The following TRDN variants were observed in gnomAD, a reference collection of about 807,000 sequenced individuals.
TRDN encodes triadin, also known as triadin in skeletal muscle.
TRDN carries 161 observed loss-of-function variants against 149.7 expected under a neutral mutation model. The observed-to-expected ratio is 1.08, with a 90% CI of 0.95 to 1.23. TRDN has a LOEUF of 1.23. Among genes scored for constraint, TRDN ranks in the 50% most tolerant of loss-of-function variants. The pLI is 0.00. For synonymous variants in TRDN, 294 were observed against 250.5 expected (o/e 1.17, Z -1.64); for missense variants, 896 against 823.5 (o/e 1.09, Z -1.08).
chr6:123,236,121 C>T (rs1417302759), intron 38 of TRDN, among the ~76,000 whole-genome samples: 2 of 152,180 alleles, frequency 1.3e-5, no homozygotes, highest in Admixed American at 1.3e-4. Context: ...GCCTTCCCGA[C>T]AGCAATGTAT....
chr6:123,487,702 A>C (rs1778033691), intron 9 of TRDN, among the ~76,000 whole-genome samples: 1 of 152,088 alleles, frequency 6.6e-6, no homozygotes, highest in Non-Finnish European at 1.5e-5. Context: ...ATTTTAGTTT[A>C]TCCTCTTTTC....
chr6:123,268,004 G>A (rs571066089), intron 31 of TRDN, among the ~76,000 whole-genome samples: 1 of 152,132 alleles, frequency 6.6e-6, no homozygotes, highest in Non-Finnish European at 1.5e-5. Context: ...ATCCCTTTGG[G>A]GGCTGTGTTG....
chr6:123,350,180 A>G, intron 21 of TRDN: 1 of 970,808 alleles, frequency 1.0e-6, no homozygotes, highest in Non-Finnish European at 1.2e-6. Flanking sequence ...ACCTAAAAAT[A>G]TTTTTGTCGT....
chr6:123,356,435 C>G (rs571381877), intron 20 of TRDN, among the ~76,000 whole-genome samples: 1 of 148,494 alleles, frequency 6.7e-6, no homozygotes, highest in African/African-American at 2.5e-5. Context: ...TTTTATCTTT[C>G]ATACGTACTA....
At chr6:123,626,440 C>T (rs1322663610) in intron 1 of TRDN, among the ~76,000 whole-genome samples, 1 of 152,086 alleles carries the variant, frequency 6.6e-6, no homozygotes, top group African/African-American at 2.4e-5. Context: ...AAGACTGTGC[C>T]AGTGCATGCC....
chr6:123,585,144 T>TTG (rs905806777), intron 1 of TRDN, among the ~76,000 whole-genome samples: 17 of 126,812 alleles, frequency 1.3e-4, no homozygotes, highest in Middle Eastern at 4.2e-3. Flanking sequence ...TGGGTTAAGG[T>TTG]GGGGGAATAC....
At chr6:123,614,863 C>A (rs1785003956) in intron 1 of TRDN, among the ~76,000 whole-genome samples, 2 of 151,976 alleles carry the variant, frequency 1.3e-5, no homozygotes, top group East Asian at 3.9e-4. Context: ...AAAGAAATAA[C>A]CAACAGAAAA....
intron 9 of TRDN, among the ~76,000 whole-genome samples, chr6:123,467,318 TAAA>T (rs66481683): frequency 5.2e-5 from 7 of 134,978 alleles, no homozygotes; most frequent in Non-Finnish European, 1.6e-5. Context: ...TGTGGTAAAT[TAAA>T]AAAAAAAAAA....
intron 12 of TRDN, among the ~76,000 whole-genome samples, chr6:123,407,111 G>T (rs1479908451): frequency 1.3e-5 from 2 of 152,074 alleles, no homozygotes; most frequent in African/African-American, 4.8e-5. Flanking sequence ...CTTGAAAAAA[G>T]ACACCATTGT....
Position 123,218,595 on chromosome 6 carries a change from G to T in TRDN, c.*6C>A. ...TAAAGCACTTGTAAGGGTCATACAT[G>T]TGTGTTTACTGTCCTTGTTGCTTCT... On this transcript the variant is annotated 3_prime_UTR_variant, in exon 41 of 41. Coordinates refer to ENST00000334268, the MANE Select transcript of TRDN (RefSeq NM_006073.4). 6.2e-7 allele frequency: 1 copy of T among 1,610,600 alleles called. No individual in the cohort carries two copies. The highest frequency in any genetic ancestry group is 1.7e-5 in the Admixed American group (1 of 59,654).
rs764596792 is a variant in TRDN, at chr6:123,222,292, C to T, written c.2015-770G>A. On this transcript the variant is annotated intron_variant, in intron 39 of 40. Transcript: ENST00000334268. The stretch of plus-strand genomic sequence containing the variant: ...ATCAATTTTTCAATTGGTTCTAGAG[C>T]GGTTCCCCTCAGAGTGTAATCTATA... 4.0e-5 allele frequency among the ~76,000 whole-genome samples: 6 copies of T among 151,330 alleles called. No homozygotes were observed. The South Asian group carries it at 6.2e-4, about 16-fold the overall frequency.
At chr6:123,411,622 G>A (rs977944956) in intron 12 of TRDN, 1 of 152,300 alleles carries the variant, frequency 6.6e-6, no homozygotes, top group African/African-American at 2.4e-5. Context: ...GTAGCCTGAG[G>A]ATATTAAATA....
intron 1 of TRDN, among the ~76,000 whole-genome samples, chr6:123,595,549 T>A (rs1783996643): frequency 6.6e-6 from 1 of 152,154 alleles, no homozygotes; most frequent in Non-Finnish European, 1.5e-5. Context: ...ACATTGCAGA[T>A]CCTGCACTTT....
intron 9 of TRDN, among the ~76,000 whole-genome samples, chr6:123,496,884 G>T (rs1318269217): frequency 6.6e-6 from 1 of 151,932 alleles, no homozygotes; most frequent in Non-Finnish European, 1.5e-5. Flanking sequence ...AGTTTACCAA[G>T]AATAAAATAA....
chr6:123,539,344 T>C (rs181295447), intron 4 of TRDN, among the ~76,000 whole-genome samples: 5 of 152,340 alleles, frequency 3.3e-5, no homozygotes, highest in African/African-American at 1.2e-4. Context: ...CTAACATTGC[T>C]GGTCCATGGG....
At chr6:123,378,508 A>T (rs1474919757) in intron 16 of TRDN, among the ~76,000 whole-genome samples, 1 of 149,266 alleles carries the variant, frequency 6.7e-6, no homozygotes, top group African/African-American at 2.5e-5. Flanking sequence ...GTGGAGACAA[A>T]GTCTCACCAT....
chr6:123,342,509 G>A (rs978844792), intron 21 of TRDN, among the ~76,000 whole-genome samples: 7 of 151,624 alleles, frequency 4.6e-5, no homozygotes, highest in African/African-American at 7.3e-5. Context: ...CTGTATCCAC[G>A]TATAATGATA....
intron 24 of TRDN, among the ~76,000 whole-genome samples, chr6:123,285,441 A>G (rs912882402): frequency 2.0e-5 from 3 of 152,228 alleles, no homozygotes; most frequent in Middle Eastern, 3.4e-3. Flanking sequence ...TGGGGAAAGG[A>G]CACCCTATTC....
intron 7 of TRDN, among the ~76,000 whole-genome samples, chr6:123,511,852 C>T (rs34491167): frequency 0.099 from 15,093 of 152,132 alleles, 1,033 homozygotes; most frequent in South Asian, 0.21. Flanking sequence ...AGCCAATGGG[C>T]AAAAGTACTC....
Sources: allele counts gnomAD v4.1 joint callset (sites outside exome capture counted in the v4.1 genomes callset), GRCh38; gene constraint gnomAD v4.1.1; transcripts MANE v1.5; gene names NCBI Gene and HGNC (gene_info 2026-07-23, HGNC 2026-07-21).